UBR1: variants seen among roughly 807,000 people sequenced by gnomAD.
UBR1 encodes E3 ubiquitin-protein ligase UBR1.
A neutral mutation model predicts 242.1 loss-of-function variants in UBR1; 102 were observed. The ratio of observed to expected loss-of-function variants is 0.42; its 90% CI spans 0.36 to 0.50. The LOEUF is 0.50. UBR1 is among the 20% of genes least tolerant of loss of function. The probability of loss-of-function intolerance (pLI) is 0.01; values close to 1 mark genes in which losing one functional copy is unlikely to be tolerated. For synonymous variants in UBR1, 675 were observed against 684.8 expected, an observed-to-expected ratio of 0.99 and a Z score of 0.22; for missense variants, 1,772 against 2,101.8, an observed-to-expected ratio of 0.84 and a Z score of 3.07.
chr15:43,095,191 C>A (rs1428974323), intron 1 of UBR1, among the ~76,000 whole-genome samples: 4 of 152,110 alleles, frequency 2.6e-5, no homozygotes, highest in African/African-American at 9.7e-5. Flanking sequence ...GATAAATTAA[C>A]AGACTTTCCC....
At position 43,019,753 on chromosome 15, in the gene UBR1, C is replaced by T. The variant is rs544847136; in HGVS notation, c.2940+1522G>A. ...GCCTGCCACCACGCCTGCCACCACGCCCAGCTAATTTTTTTTTTTTTTTTG... is the reference window on the plus strand; with the variant it reads ...GCCTGCCACCACGCCTGCCACCACGTCCAGCTAATTTTTTTTTTTTTTTTG... On this transcript the variant is annotated intron_variant, in intron 27 of 46. Coordinates refer to ENST00000290650, the MANE Select transcript of UBR1 (RefSeq NM_174916.3). 3.7e-4 allele frequency among the ~76,000 whole-genome samples: 49 copies of T among 131,752 alleles called. No individual in the cohort carries two copies. In the Admixed American group the frequency reaches 4.3e-3, roughly 11 times the overall value. 86.4% of individuals were successfully genotyped at this position (131,752 alleles called of 152,430 possible). A position where few individuals can be genotyped will look rare whatever the true frequency, so the allele number is the denominator to read the frequency against.
chr15:43,037,858 A>G lies in UBR1; in HGVS notation c.1937T>C (p.Val646Ala), dbSNP rs374574697. ...CACCAGACAACGTAAAGGATATTCC[A>G]CTAGTACCTCTACTTGAAAGTCCTC... ...SFEDFQVEVL[V>A]EYPLRCLVLV... is the part of the protein sequence containing the mutation. The change falls in exon 17 of 47, where the codon GTG becomes GCG. Residue 646 changes from valine to alanine, a missense_variant. Around this residue, in one of 3 missense-constraint regions of UBR1, gnomAD observed 734 missense variants for 893.3 expected, o/e 0.82. Coordinates refer to ENST00000290650, the MANE Select transcript of UBR1 (RefSeq NM_174916.3). 3 of 1,613,968 alleles carry G rather than the reference A, an allele frequency of 1.9e-6. No individual in the cohort carries two copies. The African/African-American group carries it at 4.0e-5, about 22-fold the overall frequency.
In UBR1 at chr15:42,983,923, T is replaced by C. The variant is rs1327821931; in HGVS notation, c.4124A>G (p.Gln1375Arg). 2 of 1,612,954 alleles carry C rather than the reference T, an allele frequency of 1.2e-6. No homozygotes were observed. The highest frequency in any genetic ancestry group is 2.7e-5 in the African/African-American group (2 of 74,880). The change falls in exon 37 of 47, where the codon CAG (glutamine) becomes CGG (arginine). Residue 1375 changes from glutamine (Q) to arginine (R), a missense_variant. Gln to Arg is a conservative substitution (Grantham distance 43). This residue lies in a region of UBR1 where 965 missense variants were observed against 1,079.7 expected (regional missense o/e 0.89). Coordinates refer to ENST00000290650, the MANE Select transcript of UBR1 (RefSeq NM_174916.3). Reference protein sequence around the residue: ...QRITCPQVLIQKHLVRLLSVV... With the variant: ...QRITCPQVLIRKHLVRLLSVV... ...TGATAGAAGACGAACCAGATGTTTCTGTATCAGGACCTGAGGACAGGTAAT... is the reference window on the plus strand; with the variant it reads ...TGATAGAAGACGAACCAGATGTTTCCGTATCAGGACCTGAGGACAGGTAAT...
intron 15 of UBR1, among the ~76,000 whole-genome samples, chr15:43,041,979 T>C (rs1373942296): frequency 6.6e-6 from 1 of 151,896 alleles, no homozygotes; most frequent in Non-Finnish European, 1.5e-5. Context: ...CAATGAGATA[T>C]CACTTCATAT....
chr15:42,965,533 G>T (rs572360920), intron 41 of UBR1, among the ~76,000 whole-genome samples: 1 of 150,060 alleles, frequency 6.7e-6, no homozygotes, highest in East Asian at 1.9e-4. Context: ...GCGCAATCTC[G>T]GCTCACTGCA....
intron 1 of UBR1, among the ~76,000 whole-genome samples, chr15:43,096,142 C>G (rs565443280): frequency 1.3e-5 from 2 of 151,136 alleles, no homozygotes; most frequent in East Asian, 3.9e-4. Flanking sequence ...TTGGTGATTG[C>G]TAAACGTGGG....
intron 39 of UBR1, among the ~76,000 whole-genome samples, chr15:42,974,821 G>T (rs1397198604): frequency 6.6e-6 from 1 of 152,012 alleles, no homozygotes; most frequent in Admixed American, 6.5e-5. Flanking sequence ...TGCTGCCCAG[G>T]CTCAAATTCC....
chr15:43,086,769 C>T (rs1001684889), intron 1 of UBR1, among the ~76,000 whole-genome samples: 1 of 152,170 alleles, frequency 6.6e-6, no homozygotes, highest in Non-Finnish European at 1.5e-5. Flanking sequence ...CATTATTAGT[C>T]ATTAGGGAAG....
chr15:42,997,668 T>G (rs1474843544), intron 33 of UBR1, among the ~76,000 whole-genome samples: 2 of 152,244 alleles, frequency 1.3e-5, no homozygotes, highest in Non-Finnish European at 2.9e-5. Context: ...CACACATTAA[T>G]AGTATTAGTA....
chr15:43,024,217 A>G (rs1333157940), intron 25 of UBR1, among the ~76,000 whole-genome samples: 1 of 152,242 alleles, frequency 6.6e-6, no homozygotes, highest in Non-Finnish European at 1.5e-5. Flanking sequence ...ACATATGGCA[A>G]TGACAGCATT....
chr15:43,004,836 G>A (rs1264572722), intron 30 of UBR1, among the ~76,000 whole-genome samples: 18 of 151,902 alleles, frequency 1.2e-4, no homozygotes, highest in Non-Finnish European at 4.4e-5. Flanking sequence ...CTGCCTGGCC[G>A]CCCATCGTCT....
At chr15:43,018,947 T>G (rs1397822860) in intron 27 of UBR1, among the ~76,000 whole-genome samples, 1 of 152,250 alleles carries the variant, frequency 6.6e-6, no homozygotes, top group African/African-American at 2.4e-5. Context: ...CTCGATTTAC[T>G]TTCTTAATAG....
intron 1 of UBR1, 30 bp downstream of exon 1, chr15:43,105,912 G>C (rs761565626): frequency 5.6e-6 from 9 of 1,608,006 alleles, no homozygotes; most frequent in Non-Finnish European, 7.7e-6. Flanking sequence ...CCGGGGGGAG[G>C]ACAAAAGAGA....
rs369620073 is a variant in UBR1 at position 43,105,999 on chromosome 15, A to G, written c.24T>C (p.Gly8=). 5.6e-6 allele frequency: 9 copies of G among 1,613,504 alleles called. No individual in the cohort carries two copies. In the African/African-American group the frequency reaches 1.2e-4, roughly 22 times the overall value. MADEEAG[G]TERMEISAEL... Reference sequence around the variant, plus strand: ...CCGCGCTGATTTCCATCCTCTCAGTACCTCCAGCCTCCTCGTCCGCCATCT... The same window carrying G: ...CCGCGCTGATTTCCATCCTCTCAGTGCCTCCAGCCTCCTCGTCCGCCATCT... The change falls in exon 1 of 47, where the codon GGT becomes GGC. Residue 8 remains glycine (G), a synonymous_variant. Transcript: ENST00000290650.
intron 25 of UBR1, among the ~76,000 whole-genome samples, chr15:43,023,893 A>G (rs1398476033): frequency 6.6e-6 from 1 of 152,204 alleles, no homozygotes; most frequent in Non-Finnish European, 1.5e-5. Flanking sequence ...ATGCAAAAAC[A>G]TTTGTATAAG....
At chr15:42,960,565 G>A in intron 43 of UBR1, 80 bp downstream of exon 43, 1 of 1,404,952 alleles carries the variant, frequency 7.1e-7, no homozygotes, top group East Asian at 2.4e-5. Context: ...AAGCAGACTA[G>A]AAACTATGCT....
At chr15:43,027,431 A>G (rs932176403) in intron 22 of UBR1, among the ~76,000 whole-genome samples, 11 of 152,166 alleles carry the variant, frequency 7.2e-5, no homozygotes, top group Non-Finnish European at 1.3e-4. Context: ...ACCAGAGAAT[A>G]ATCCAAAATT....
At chr15:43,013,253 G>A (rs2032953586) in intron 29 of UBR1, among the ~76,000 whole-genome samples, 1 of 152,100 alleles carries the variant, frequency 6.6e-6, no homozygotes, top group Admixed American at 6.6e-5. Flanking sequence ...CTTTAAAAAG[G>A]GCCAAAGTGG....
chr15:43,028,443 T>G (rs1348620941), intron 21 of UBR1, among the ~76,000 whole-genome samples: 1 of 151,986 alleles, frequency 6.6e-6, no homozygotes, highest in African/African-American at 2.4e-5. Flanking sequence ...AAAGGTAACC[T>G]CCCTTAAAAA....
Sources: allele counts gnomAD v4.1 joint callset (sites outside exome capture counted in the v4.1 genomes callset), GRCh38; gene constraint gnomAD v4.1.1; regional missense constraint gnomAD v4.1.1; transcripts MANE v1.5; gene names NCBI Gene and HGNC (gene_info 2026-07-23, HGNC 2026-07-21).